The following SORCS2 variants were observed in gnomAD, a reference collection of about 807,000 sequenced individuals.
SORCS2 encodes the protein sortilin related VPS10 domain containing receptor 2.
Under a neutral mutation model 141.6 loss-of-function variants are expected in SORCS2, and 100 were observed. The observed-to-expected ratio is 0.71, with a 90% CI of 0.60 to 0.83. The LOEUF is 0.83. SORCS2 is among the 40% of genes least tolerant of loss of function. The probability of loss-of-function intolerance (pLI) is 0.00; values close to 1 mark genes in which losing one functional copy is unlikely to be tolerated. For missense variants in SORCS2, 1,646 were observed against 1,560.2 expected (o/e 1.05, Z -0.93); for synonymous variants, 789 against 676.9 (o/e 1.17, Z -2.57).
At chr4:7,333,997 G>A (rs566277930) in intron 1 of SORCS2, among the ~76,000 whole-genome samples, 1 of 152,216 alleles carries the variant, frequency 6.6e-6, no homozygotes, top group South Asian at 2.1e-4. Flanking sequence ...AGCGTCCCCT[G>A]CTGCCAGAGC....
chr4:7,386,458 C>T (rs111163319), intron 1 of SORCS2, among the ~76,000 whole-genome samples: 19 of 70,300 alleles, frequency 2.7e-4, no homozygotes, highest in East Asian at 4.8e-4. Context: ...CACATGTGCA[C>T]GCACACACAT....
chr4:7,368,762 C>T (rs1722067821), intron 1 of SORCS2, among the ~76,000 whole-genome samples: 1 of 152,120 alleles, frequency 6.6e-6, no homozygotes, highest in Admixed American at 6.5e-5. Context: ...TGGCTGTGTC[C>T]CCACCCAAAT....
At chr4:7,654,257 G>C (rs1028558408) in intron 5 of SORCS2, 50 bp downstream of exon 5, 8 of 1,539,148 alleles carry the variant, frequency 5.2e-6, no homozygotes, top group African/African-American at 1.4e-5. Flanking sequence ...GCTCTGGTGA[G>C]AGCACTTCCC....
intron 3 of SORCS2, among the ~76,000 whole-genome samples, chr4:7,542,889 C>A (rs1042715192): frequency 2.6e-5 from 4 of 152,248 alleles, no homozygotes; most frequent in African/African-American, 9.6e-5. Context: ...CCCACGCTTC[C>A]TCTTCCCTCT....
chr4:7,382,114 G>A, intron 1 of SORCS2: 1 of 433,950 alleles, frequency 2.3e-6, no homozygotes, highest in Non-Finnish European at 3.1e-6. Context: ...GGTGGGTGGT[G>A]CTGCTGGTGG....
rs150077453 is a variant in SORCS2, at chr4:7,345,606, C to T, written c.481-50682C>T. Reference sequence around the variant, plus strand: ...ACCTCTCCATAGACAAGTCCTAGGACCTCTCCAAACCTCCGTTTCCCATCT... The same window carrying T: ...ACCTCTCCATAGACAAGTCCTAGGATCTCTCCAAACCTCCGTTTCCCATCT... On this transcript the variant is annotated intron_variant, in intron 1 of 26. Coordinates refer to ENST00000507866, the MANE Select transcript of SORCS2 (RefSeq NM_020777.3). Among the ~76,000 whole-genome samples, 416 of 152,302 alleles carry T rather than the reference C, an allele frequency of 2.7e-3. 5 individuals are homozygous for T. Among genetic ancestry groups the T allele is most frequent in the African/African-American group, 9.8e-3 (406 of 41,562 alleles).
At chr4:7,689,663 A>C in intron 11 of SORCS2, 75 bp downstream of exon 11, 1 of 1,383,608 alleles carries the variant, frequency 7.2e-7, no homozygotes, top group Non-Finnish European at 9.9e-7. Context: ...AAGGGTAAAA[A>C]GGGATGGTCA....
chr4:7,422,829 G>A (rs1245902254), intron 2 of SORCS2, among the ~76,000 whole-genome samples: 2 of 152,138 alleles, frequency 1.3e-5, no homozygotes, highest in Non-Finnish European at 2.9e-5. Context: ...AGAGCACAGA[G>A]GCCTCGTCAC....
rs763248560 is a variant in SORCS2 at position 7,531,555 on chromosome 4, A to G, written c.574A>G (p.Thr192Ala). Residue 192 changes from threonine (T) to alanine (A), a missense_variant, in exon 3 of 27, where the codon ACC becomes GCC. Transcript: ENST00000507866. ...GTCATCAGATTTCGGGACGTCCTAC[A>G]CCAAGCTCACCCTCCAGCCTGGTGT... ...WRSSDFGTSY[T>A]KLTLQPGVTT... is the part of the protein sequence containing the mutation. 2 of 1,613,740 alleles carry G rather than the reference A, an allele frequency of 1.2e-6. No homozygotes were observed. The highest frequency in any genetic ancestry group is 1.7e-5 in the Admixed American group (1 of 59,996).
At chr4:7,253,404 A>G (rs1713636954) in intron 1 of SORCS2, among the ~76,000 whole-genome samples, 1 of 151,994 alleles carries the variant, frequency 6.6e-6, no homozygotes, top group Non-Finnish European at 1.5e-5. Flanking sequence ...GAGCAGTGAC[A>G]CGGGCCGTCC....
chr4:7,345,795 G>A (rs753960694), intron 1 of SORCS2, among the ~76,000 whole-genome samples: 7 of 152,216 alleles, frequency 4.6e-5, no homozygotes, highest in East Asian at 1.9e-4. Context: ...CCTTCCTGCC[G>A]CCCTCTCTCC....
chr4:7,319,197 T>C (rs1191121503), intron 1 of SORCS2, among the ~76,000 whole-genome samples: 2 of 152,150 alleles, frequency 1.3e-5, no homozygotes, highest in Non-Finnish European at 2.9e-5. Context: ...TAACATGTCT[T>C]GTAATTTTTG....
intron 1 of SORCS2, among the ~76,000 whole-genome samples, chr4:7,280,201 C>T (rs1715779623): frequency 6.6e-6 from 1 of 152,110 alleles, no homozygotes; most frequent in African/African-American, 2.4e-5. Flanking sequence ...GCAACTTCAT[C>T]CCGGGTACCC....
chr4:7,282,754 C>G (rs567659389), intron 1 of SORCS2, among the ~76,000 whole-genome samples: 13 of 152,252 alleles, frequency 8.5e-5, no homozygotes, highest in South Asian at 4.2e-4. Flanking sequence ...GATAGTCTCA[C>G]CGCGAGGCTC....
At position 7,689,687 on chromosome 4, in the gene SORCS2, A is replaced by G. The variant is rs910049155; in HGVS notation, c.1591+99A>G. On this transcript the variant is annotated intron_variant, in intron 11 of 26. Transcript: ENST00000507866. ...AAGGGATGGTCATGAGCCTGAGGCC[A>G]TAGTATGTCCTTTAGGAGGCAGTAC... The G allele has an allele frequency of 1.4e-5, 16 of 1,157,450 alleles. No homozygotes were observed. The African/African-American group carries it at 2.5e-4, about 18-fold the overall frequency. 71.7% of individuals were successfully genotyped at this position (1,157,450 alleles called of 1,614,324 possible).
intron 2 of SORCS2, among the ~76,000 whole-genome samples, chr4:7,460,872 A>G (rs894465278): frequency 2.0e-5 from 3 of 152,130 alleles, no homozygotes; most frequent in African/African-American, 2.4e-5. Flanking sequence ...TGGGCCGTGC[A>G]TCGGCTACAC....
chr4:7,701,370 G>T (rs1725071763), intron 12 of SORCS2, among the ~76,000 whole-genome samples: 1 of 152,196 alleles, frequency 6.6e-6, no homozygotes, highest in African/African-American at 2.4e-5. Context: ...CAAGGTAAAA[G>T]TGCTTCCTGG....
intron 4 of SORCS2, among the ~76,000 whole-genome samples, chr4:7,647,957 C>T (rs1436194037): frequency 6.6e-6 from 1 of 152,248 alleles, no homozygotes; most frequent in East Asian, 1.9e-4. Context: ...CTGAGCTTCA[C>T]TGCGGTAGCT....
intron 14 of SORCS2, 62 bp from the exon 15 acceptor site, chr4:7,712,671 C>T: frequency 1.2e-6 from 2 of 1,605,652 alleles, no homozygotes; most frequent in Non-Finnish European, 8.5e-7. Flanking sequence ...ACATGATTTG[C>T]ACAGTAGGAC....
Sources: gnomAD v4.1 joint callset for allele counts (sites outside exome capture counted in the v4.1 genomes callset) on GRCh38, gnomAD v4.1.1 for gene constraint, MANE v1.5 for transcripts, NCBI Gene and HGNC (gene_info 2026-07-23, HGNC 2026-07-21) for gene names.